The following OPCML variants were observed in gnomAD, a reference collection of about 807,000 sequenced individuals.
The protein encoded by OPCML is opioid binding protein/cell adhesion molecule like, also known as opioid-binding protein/cell adhesion molecule.
Under a neutral mutation model 37.8 loss-of-function variants are expected in OPCML, and 13 were observed. The ratio of observed to expected loss-of-function variants is 0.34; its 90% CI spans 0.22 to 0.55. The LOEUF (loss-of-function observed/expected upper bound fraction) is 0.55. Ranked by LOEUF, OPCML falls within the 20% of genes least tolerant of loss-of-function variation. OPCML has a pLI of 0.91. For synonymous variants in OPCML, 176 were observed against 168.8 expected (o/e 1.04, Z -0.33); for missense variants, 341 against 435.6 (o/e 0.78, Z 1.93).
At chr11:132,930,434 T>C (rs1307243826) in intron 2 of OPCML, among the ~76,000 whole-genome samples, 4 of 152,140 alleles carry the variant, frequency 2.6e-5, no homozygotes, top group Non-Finnish European at 2.9e-5. Context: ...TAAAACTATC[T>C]CTGTTCACAG....
chr11:133,338,564 A>T (rs1447239349), intron 1 of OPCML, among the ~76,000 whole-genome samples: 1 of 152,174 alleles, frequency 6.6e-6, no homozygotes. Context: ...TGTGCTGCAG[A>T]CTACTCTGCA....
At chr11:133,216,120 G>A (rs1168270292) in intron 1 of OPCML, among the ~76,000 whole-genome samples, 2 of 152,138 alleles carry the variant, frequency 1.3e-5, no homozygotes, top group Non-Finnish European at 2.9e-5. Context: ...AACACGCAGT[G>A]CAGCCCTCAT....
chr11:133,378,171 A>G (rs542646706), intron 1 of OPCML, among the ~76,000 whole-genome samples: 5 of 152,158 alleles, frequency 3.3e-5, no homozygotes, highest in African/African-American at 1.2e-4. Context: ...CCTTCCAGCC[A>G]TTTTTCTTCA....
At chr11:132,423,698 C>T (rs1249092606) in intron 7 of OPCML, among the ~76,000 whole-genome samples, 3 of 152,212 alleles carry the variant, frequency 2.0e-5, no homozygotes, top group Non-Finnish European at 2.9e-5. Context: ...TGCTTTTCTG[C>T]TTTAATATAA....
rs1945431907 is a variant in OPCML, at chr11:132,937,598, GTGTGTGTGT to G, written c.146+5319_146+5327del. ...GTGGTGTGTGTGGCGTGTGTGGGGT[GTGTGTGTGT>G]GTGTGTGTGTGTGTGTGTGTGTGTG... On this transcript the variant is annotated intron_variant, in intron 2 of 7. Coordinates refer to ENST00000524381, the MANE Select transcript of OPCML (RefSeq NM_001012393.5). 9.6e-3 allele frequency among the ~76,000 whole-genome samples: 838 copies of G among 87,692 alleles called. 13 individuals are homozygous for G. Among genetic ancestry groups the G allele is most frequent in the African/African-American group, 0.038 (804 of 20,966 alleles). 57.5% of individuals were successfully genotyped at this position (87,692 alleles called of 152,430 possible). A position where few individuals can be genotyped will look rare whatever the true frequency, so the allele number is the denominator to read the frequency against.
intron 2 of OPCML, among the ~76,000 whole-genome samples, chr11:132,736,655 G>A (rs1012888631): frequency 3.9e-5 from 6 of 152,158 alleles, no homozygotes; most frequent in Non-Finnish European, 8.8e-5. Flanking sequence ...CCATGTCATG[G>A]GGACATTCAA....
chr11:133,332,585 T>G (rs1943646239), intron 1 of OPCML, among the ~76,000 whole-genome samples: 2 of 152,204 alleles, frequency 1.3e-5, no homozygotes, highest in African/African-American at 4.8e-5. Flanking sequence ...GGGTATGTCA[T>G]AGATGGCTCT....
intron 1 of OPCML, among the ~76,000 whole-genome samples, chr11:133,055,644 A>C (rs968907268): frequency 7.4e-5 from 11 of 149,344 alleles, no homozygotes; most frequent in Non-Finnish European, 1.6e-4. Context: ...GTGAGACTCC[A>C]TGAGGGAGCC....
intron 1 of OPCML, among the ~76,000 whole-genome samples, chr11:133,332,616 C>T (rs1943646983): frequency 6.6e-6 from 1 of 151,960 alleles, no homozygotes; most frequent in South Asian, 2.1e-4. Flanking sequence ...AGGTCTGTTT[C>T]TTTAATACCT....
At chr11:132,699,308 T>C (rs1189646254) in intron 2 of OPCML, among the ~76,000 whole-genome samples, 1 of 152,148 alleles carries the variant, frequency 6.6e-6, no homozygotes, top group Non-Finnish European at 1.5e-5. Flanking sequence ...GGAGACAATT[T>C]TACTTCTTCT....
chr11:133,406,980 C>G (rs939773016), intron 1 of OPCML, among the ~76,000 whole-genome samples: 2 of 152,202 alleles, frequency 1.3e-5, no homozygotes, highest in African/African-American at 4.8e-5. Context: ...GGTTTTCCAG[C>G]CACAATTTCC....
chr11:132,718,278 T>A (rs889883432), intron 2 of OPCML, among the ~76,000 whole-genome samples: 4 of 152,204 alleles, frequency 2.6e-5, no homozygotes, highest in Non-Finnish European at 5.9e-5. Flanking sequence ...AGTGGTGGGT[T>A]CAGGTGTTAT....
chr11:132,760,686 A>G (rs562524267), intron 2 of OPCML, among the ~76,000 whole-genome samples: 2 of 147,884 alleles, frequency 1.4e-5, no homozygotes, highest in African/African-American at 2.5e-5. Flanking sequence ...TTTTGAGCCT[A>G]TGTGTGTCTT....
At chr11:132,542,220 G>A (rs2137375909) in intron 3 of OPCML, among the ~76,000 whole-genome samples, 1 of 152,282 alleles carries the variant, frequency 6.6e-6, no homozygotes, top group South Asian at 2.1e-4. Context: ...GGGGAAGGCA[G>A]ACGTGGAAAG....
At chr11:133,157,194 AC>A (rs1950074148) in intron 1 of OPCML, among the ~76,000 whole-genome samples, 1 of 152,236 alleles carries the variant, frequency 6.6e-6, no homozygotes, top group Admixed American at 6.5e-5. Context: ...CGGCGCGCAC[AC>A]GGTGTACTGC....
chr11:133,343,676 T>A (rs1483252428), intron 1 of OPCML, among the ~76,000 whole-genome samples: 1 of 152,214 alleles, frequency 6.6e-6, no homozygotes, highest in Non-Finnish European at 1.5e-5. Flanking sequence ...TAATTTCTTT[T>A]CAGCTGTCTA....
intron 1 of OPCML, among the ~76,000 whole-genome samples, chr11:133,323,524 C>T (rs939698544): frequency 1.2e-4 from 19 of 152,140 alleles, no homozygotes; most frequent in African/African-American, 4.6e-4. Flanking sequence ...GAAGGAAATG[C>T]TTCAGCACTG....
At chr11:132,631,626 A>ATT (rs57086964) in intron 3 of OPCML, among the ~76,000 whole-genome samples, 5 of 145,410 alleles carry the variant, frequency 3.4e-5, no homozygotes, top group African/African-American at 1.0e-4. Context: ...CGCCCGGCTA[A>ATT]TTTTTTTTTT....
chr11:132,939,606 A>G lies in OPCML; in HGVS notation c.146+3320T>C, dbSNP rs115981560. On this transcript the variant is annotated intron_variant, in intron 2 of 7. Coordinates refer to ENST00000524381, the MANE Select transcript of OPCML (RefSeq NM_001012393.5). ...CCGCAGCCCCTCAAAATGTTCATGT[A>G]CACAGATGATGTGGACCCACAGAAG... 7.5e-3 allele frequency among the ~76,000 whole-genome samples: 1,135 copies of G among 152,294 alleles called. 14 individuals are homozygous for G. The highest frequency in any genetic ancestry group is 0.026 in the African/African-American group (1,078 of 41,564).
Sources: allele counts gnomAD v4.1 joint callset (sites outside exome capture counted in the v4.1 genomes callset), GRCh38; gene constraint gnomAD v4.1.1; transcripts MANE v1.5; gene names NCBI Gene and HGNC (gene_info 2026-07-23, HGNC 2026-07-21).